Variants in PALLD observed in about 807,000 individuals in gnomAD.
PALLD encodes the protein palladin, cytoskeletal associated protein.
A neutral mutation model predicts 123.5 loss-of-function variants in PALLD; 61 were observed. That is an observed-to-expected ratio of 0.49 (90% CI 0.40 to 0.61). The LOEUF (loss-of-function observed/expected upper bound fraction) is 0.61. PALLD is among the 20% of genes least tolerant of loss of function. The pLI is 0.00. For missense variants in PALLD, 1,273 were observed against 1,377.0 expected, an observed-to-expected ratio of 0.92 and a Z score of 1.20; for synonymous variants, 465 against 496.4, an observed-to-expected ratio of 0.94 and a Z score of 0.84.
chr4:168,785,874 T>TATATATATATATATATATAG (rs1736676918), intron 10 of PALLD, among the ~76,000 whole-genome samples: 1 of 138,458 alleles, frequency 7.2e-6, no homozygotes, highest in Non-Finnish European at 1.6e-5. Context: ...TATATATATA[T>TATATATATATATATATATAG]ATAGCATTTT....
Position 168,927,490 on chromosome 4 carries a change from T to G in PALLD, c.*1310T>G, listed in dbSNP as rs561660384. 2 of 232,534 alleles carry G rather than the reference T, an allele frequency of 8.6e-6. No individual in the cohort carries two copies. The highest frequency in any genetic ancestry group is 1.1e-4 in the Admixed American group (2 of 17,780). 14.4% of individuals were successfully genotyped at this position (232,534 alleles called of 1,614,324 possible). A position where few individuals can be genotyped will look rare whatever the true frequency, so the allele number is the denominator to read the frequency against. On this transcript the variant is annotated 3_prime_UTR_variant, in exon 22 of 22. Coordinates refer to ENST00000505667, the MANE Select transcript of PALLD (RefSeq NM_001166108.2). The stretch of plus-strand genomic sequence containing the variant: ...GTATGTAGAGCAAGTTGAAAATGGA[T>G]TGAGACTGCATGGTGGCATAAATGA...
intron 10 of PALLD, among the ~76,000 whole-genome samples, chr4:168,738,342 G>C (rs554301239): frequency 6.6e-6 from 1 of 152,188 alleles, no homozygotes; most frequent in East Asian, 1.9e-4. Flanking sequence ...GAGCATACAC[G>C]AGACTTGTAT....
intron 10 of PALLD, among the ~76,000 whole-genome samples, chr4:168,796,845 C>T (rs550655642): frequency 6.6e-6 from 1 of 152,164 alleles, no homozygotes; most frequent in Non-Finnish European, 1.5e-5. Flanking sequence ...CACATTTTAC[C>T]TTCCTTGTCT....
chr4:168,873,977 C>T (rs1041345234), intron 10 of PALLD, among the ~76,000 whole-genome samples: 3 of 152,194 alleles, frequency 2.0e-5, no homozygotes, highest in South Asian at 2.1e-4. Context: ...TGCTGTTCCC[C>T]TGCCAGCCAC....
chr4:168,558,592 C>T (rs1473384891), intron 2 of PALLD, among the ~76,000 whole-genome samples: 1 of 152,162 alleles, frequency 6.6e-6, no homozygotes, highest in Non-Finnish European at 1.5e-5. Flanking sequence ...CCTTGATGCG[C>T]TGAAGGGCCC....
rs73863989 is a variant in PALLD, at chr4:168,593,758, C to A, written c.909-74432C>A. Among the ~76,000 whole-genome samples the A allele has an allele frequency of 2.6e-5, 4 of 152,236 alleles. No individual in the cohort carries two copies. The South Asian group carries it at 6.2e-4, about 24-fold the overall frequency. On this transcript the variant is annotated intron_variant, in intron 2 of 21. Transcript: ENST00000505667. ...AACCAATTTGGAACACTTAGTGTTACAAAGCAGGCCCACCAAAAATCCCAT... is the reference window on the plus strand; with the variant it reads ...AACCAATTTGGAACACTTAGTGTTAAAAAGCAGGCCCACCAAAAATCCCAT...
intron 11 of PALLD, among the ~76,000 whole-genome samples, chr4:168,892,977 T>C (rs953619550): frequency 1.3e-5 from 2 of 152,202 alleles, no homozygotes; most frequent in African/African-American, 4.8e-5. Flanking sequence ...TTTCCTAATA[T>C]TATATATCAT....
chr4:168,589,275 C>T (rs1273217916), intron 2 of PALLD, among the ~76,000 whole-genome samples: 1 of 152,160 alleles, frequency 6.6e-6, no homozygotes, highest in Non-Finnish European at 1.5e-5. Context: ...TGCTTGTCAG[C>T]TTATTCCCTC....
chr4:168,548,398 T>TAAAACTAAATAGCAAACATACC (rs1766388808), intron 2 of PALLD, among the ~76,000 whole-genome samples: 1 of 151,018 alleles, frequency 6.6e-6, no homozygotes. Context: ...ATATTACTCC[T>TAAAACTAAATAGCAAACATACC]AAATTATCTT....
chr4:168,855,098 T>TTTTTTC (rs1256496067), intron 10 of PALLD, among the ~76,000 whole-genome samples: 3 of 146,892 alleles, frequency 2.0e-5, no homozygotes, highest in African/African-American at 7.7e-5. Context: ...TCTTTTTTTT[T>TTTTTTC]TTTTTTTTTT....
chr4:168,562,001 C>A (rs544451180), intron 2 of PALLD, among the ~76,000 whole-genome samples: 71 of 152,014 alleles, frequency 4.7e-4, no homozygotes, highest in African/African-American at 1.6e-3. Flanking sequence ...ACAGACATTG[C>A]CTAAATATTT....
At chr4:168,656,446 T>C (rs1778580196) in intron 2 of PALLD, among the ~76,000 whole-genome samples, 1 of 152,060 alleles carries the variant, frequency 6.6e-6, no homozygotes, top group African/African-American at 2.4e-5. Flanking sequence ...GGTGGGAACC[T>C]TTTTTTCCTT....
At chr4:168,592,018 A>ATTTT (rs10672786) in intron 2 of PALLD, among the ~76,000 whole-genome samples, 1,605 of 138,938 alleles carry the variant, frequency 0.012, 39 homozygotes, top group African/African-American at 0.04. Flanking sequence ...ACTATTATGG[A>ATTTT]TTTTTTTTTT....
Position 168,600,022 on chromosome 4 carries a change from T to C in PALLD, c.909-68168T>C, listed in dbSNP as rs528693057. On this transcript the variant is annotated intron_variant, in intron 2 of 21. Transcript: ENST00000505667. ...ACACACGTATATACATACATGTGTG[T>C]ACACACACATACATACATGTGTATA... Among the ~76,000 whole-genome samples, 619 of 146,098 alleles carry C rather than the reference T, an allele frequency of 4.2e-3. 8 individuals carry two copies. The highest frequency in any genetic ancestry group is 0.015 in the African/African-American group (554 of 37,894).
chr4:168,609,597 A>G (rs967692782), intron 2 of PALLD, among the ~76,000 whole-genome samples: 7 of 152,132 alleles, frequency 4.6e-5, no homozygotes, highest in African/African-American at 1.4e-4. Flanking sequence ...GGGGTATCAG[A>G]GTGGCCTAGG....
At chr4:168,871,700 A>G (rs1470785400) in intron 10 of PALLD, among the ~76,000 whole-genome samples, 1 of 152,234 alleles carries the variant, frequency 6.6e-6, no homozygotes, top group East Asian at 1.9e-4. Context: ...ACTGTGATGC[A>G]GAGTCAACTC....
intron 2 of PALLD, among the ~76,000 whole-genome samples, chr4:168,583,831 C>G (rs934839598): frequency 2.0e-5 from 3 of 152,156 alleles, no homozygotes; most frequent in Non-Finnish European, 2.9e-5. Flanking sequence ...AAGCCTAGTT[C>G]TCAGGTCTAC....
At chr4:168,751,363 A>C (rs1168672086) in intron 10 of PALLD, among the ~76,000 whole-genome samples, 2 of 152,178 alleles carry the variant, frequency 1.3e-5, no homozygotes, top group African/African-American at 4.8e-5. Flanking sequence ...TGCTAACATA[A>C]GGTTTGATGA....
chr4:168,896,208 CAA>C (rs35567491), intron 12 of PALLD, among the ~76,000 whole-genome samples: 21 of 132,180 alleles, frequency 1.6e-4, no homozygotes, highest in African/African-American at 4.7e-4. Context: ...GACTCCATCT[CAA>C]AAAAAAAAAA....
Sources: gnomAD v4.1 joint callset for allele counts (sites outside exome capture counted in the v4.1 genomes callset) on GRCh38, gnomAD v4.1.1 for gene constraint, MANE v1.5 for transcripts, NCBI Gene and HGNC (gene_info 2026-07-23, HGNC 2026-07-21) for gene names.